Variants in NAV1 observed in about 807,000 individuals in gnomAD.
NAV1 encodes neuron navigator 1, also known as pore membrane and/or filament interacting like protein 3.
A neutral mutation model predicts 175.2 loss-of-function variants in NAV1; 18 were observed. The ratio of observed to expected loss-of-function variants is 0.10; its 90% confidence interval spans 0.07 to 0.15. The LOEUF is 0.15. Among genes scored for constraint, NAV1 ranks in the 10% least tolerant of loss-of-function variants. NAV1 has a pLI of 1.00. For synonymous variants in NAV1, 897 were observed against 978.7 expected (o/e 0.92, Z 1.56); for missense variants, 1,731 against 2,436.6 (o/e 0.71, Z 6.10).
At chr1:201,806,034 G>C (rs1678256429) in intron 17 of NAV1, among the ~76,000 whole-genome samples, 1 of 151,016 alleles carries the variant, frequency 6.6e-6, no homozygotes, top group Admixed American at 6.6e-5. Flanking sequence ...ACCCAGGCTG[G>C]AATGCAGTGA....
rs1381180760 is a variant in NAV1 at position 201,810,436 on chromosome 1, CTAGA to C, written c.4562-84_4562-81del. On this transcript the variant is annotated intron_variant, in intron 23 of 29. Transcript: ENST00000367296. This position sits in a 1 kb window ranked among gnomAD's most constrained non-coding sequence, Gnocchi z 6.0. ...GGCTCTGAGTTTCTTCAGGGGGCTC[CTAGA>C]TAAAGAAAGAAAAGCCCTTTAGGAT... The C allele has an allele frequency of 7.8e-6, 10 of 1,289,176 alleles. No individual in the cohort carries two copies. The highest frequency in any genetic ancestry group is 9.6e-6 in the Non-Finnish European group (9 of 933,074). 79.9% of individuals were successfully genotyped at this position (1,289,176 alleles called of 1,614,324 possible).
At chr1:201,673,000 C>T (rs1449253935) in intron 1 of NAV1, 2 of 152,048 alleles carry the variant, frequency 1.3e-5, no homozygotes, top group African/African-American at 2.4e-5. Flanking sequence ...CAAGCAGTAC[C>T]GAAGAAAAGC....
intron 1 of NAV1, among the ~76,000 whole-genome samples, chr1:201,661,948 A>G (rs1310647515): frequency 6.6e-6 from 1 of 152,250 alleles, no homozygotes; most frequent in Non-Finnish European, 1.5e-5. Context: ...AATCGTCACA[A>G]CAACCTAGTG....
In NAV1 at chr1:201,539,915, G is replaced by T. The variant is rs372141801; in HGVS notation, c.-144+573G>T. 6.6e-6 allele frequency among the ~76,000 whole-genome samples: 1 copy of T among 152,170 alleles called. No individual in the cohort carries two copies. The highest frequency in any genetic ancestry group is 2.1e-4 in the South Asian group (1 of 4,824). On this transcript the variant is annotated intron_variant, in intron 1 of 33. Transcript: ENST00000685211. This position sits in a 1 kb window ranked among gnomAD's most constrained non-coding sequence, Gnocchi z 5.6. ...CCCTCCCGCCAATCTCCCGGAGGCC[G>T]TCCTCTCTGGCGCCCGCCCAGTGCG...
chr1:201,598,924 C>T lies in NAV1; in HGVS notation c.-33+10275C>T, dbSNP rs1000555604. On this transcript the variant is annotated intron_variant, in intron 2 of 33. Transcript: ENST00000685211. The stretch of plus-strand genomic sequence containing the variant: ...CTATACAGAGGCCATGACATCCCTC[C>T]CCCTGCCTCTGGACAGATGATCATT... Among the ~76,000 whole-genome samples the T allele has an allele frequency of 2.6e-5, 4 of 152,188 alleles. No individual in the cohort carries two copies. The East Asian group carries it at 5.8e-4, about 22-fold the overall frequency.
At chr1:201,549,680 A>AT (rs1557992584) in intron 1 of NAV1, among the ~76,000 whole-genome samples, 1 of 149,300 alleles carries the variant, frequency 6.7e-6, no homozygotes, top group Admixed American at 6.7e-5. Flanking sequence ...TGGGCAGGTT[A>AT]CAGCCTGCCC....
chr1:201,804,172 A>C, intron 16 of NAV1: 1 of 493,252 alleles, frequency 2.0e-6, no homozygotes, highest in South Asian at 2.1e-5. Context: ...AGGACTCTTT[A>C]TTATTACCTT....
intron 1 of NAV1, among the ~76,000 whole-genome samples, chr1:201,681,722 C>G (rs1349598308): frequency 6.6e-6 from 1 of 152,190 alleles, no homozygotes; most frequent in Non-Finnish European, 1.5e-5. Flanking sequence ...GCCTGTAATC[C>G]TAGCACTTGG....
chr1:201,668,099 T>TC (rs1669898653), intron 1 of NAV1, among the ~76,000 whole-genome samples: 1 of 152,162 alleles, frequency 6.6e-6, no homozygotes, highest in African/African-American at 2.4e-5. Context: ...GCCTCAGGTT[T>TC]CCCCTTGAGA....
intron 3 of NAV1, among the ~76,000 whole-genome samples, chr1:201,762,046 C>T (rs1674893858): frequency 6.6e-6 from 1 of 152,126 alleles, no homozygotes; most frequent in Admixed American, 6.5e-5. Flanking sequence ...TGTAGTCCCA[C>T]CTACTCAGGA....
intron 3 of NAV1, among the ~76,000 whole-genome samples, chr1:201,745,776 A>G (rs1008246834): frequency 9.2e-5 from 14 of 152,196 alleles, no homozygotes; most frequent in African/African-American, 3.1e-4. Context: ...GTCATTTCCT[A>G]TAAAGAAGAG....
Position 201,808,430 on chromosome 1 carries a change from C to T in NAV1, c.3858C>T (p.His1286=). 1 of 1,612,260 alleles carries T rather than the reference C, an allele frequency of 6.2e-7. No individual in the cohort carries two copies. The highest frequency in any genetic ancestry group is 8.5e-7 in the Non-Finnish European group (1 of 1,178,842). Residue 1286 remains histidine, a synonymous_variant, in exon 19 of 30, where the codon CAC becomes CAT. Coordinates refer to ENST00000367296, the Ensembl canonical transcript of NAV1. This position sits in a 1 kb window ranked among gnomAD's most constrained non-coding sequence, Gnocchi z 5.5. ...TGCTATCTTACAGGGGCCCTGCTCA[C>T]CCAGCCCCCCACACTAGGCTGTTCC...
At chr1:201,744,072 TG>T (rs2102567979) in intron 3 of NAV1, among the ~76,000 whole-genome samples, 1 of 152,238 alleles carries the variant, frequency 6.6e-6, no homozygotes, top group East Asian at 1.9e-4. Context: ...TTAGTAGAGA[TG>T]GGGTATCTCT....
At chr1:201,768,710 T>C (rs957877837) in intron 3 of NAV1, among the ~76,000 whole-genome samples, 1 of 151,516 alleles carries the variant, frequency 6.6e-6, no homozygotes, top group African/African-American at 2.4e-5. Context: ...TGCTAAAGTG[T>C]AGACCAAACA....
chr1:201,742,328 T>C (rs1311583442), intron 3 of NAV1, among the ~76,000 whole-genome samples: 1 of 152,164 alleles, frequency 6.6e-6, no homozygotes, highest in Non-Finnish European at 1.5e-5. Flanking sequence ...GGTATTTGGG[T>C]GAATGACTTA....
At position 201,539,605 on chromosome 1, in the gene NAV1, C is replaced by T. The variant is rs1665442675; in HGVS notation, c.-144+263C>T. 6.6e-6 allele frequency among the ~76,000 whole-genome samples: 1 copy of T among 152,198 alleles called. No homozygotes were observed. Among genetic ancestry groups the T allele is most frequent in the African/African-American group, 2.4e-5 (1 of 41,440 alleles). On this transcript the variant is annotated intron_variant, in intron 1 of 33. Coordinates refer to the NAV1 transcript ENST00000685211. The surrounding 1 kb of genome is among the most constrained non-coding windows in gnomAD (Gnocchi z 5.6). ...TGCGCGTTTGATTCTAGAGTTGACT[C>T]TCCGGGGGGGCTGCCTAACTTCAGT... is the stretch of plus-strand genomic sequence containing the variant.
At chr1:201,791,010 T>A (rs1677084332) in intron 13 of NAV1, 1 of 481,190 alleles carries the variant, frequency 2.1e-6, no homozygotes, top group Admixed American at 3.4e-5. Flanking sequence ...AGTTCATGTC[T>A]GATGGGCTGA....
intron 2 of NAV1, among the ~76,000 whole-genome samples, chr1:201,611,019 G>A (rs1214530512): frequency 6.6e-6 from 1 of 152,118 alleles, no homozygotes; most frequent in Non-Finnish European, 1.5e-5. Flanking sequence ...CCCATTCAGA[G>A]CCAGGAGCCA....
intron 3 of NAV1, among the ~76,000 whole-genome samples, chr1:201,743,112 A>C (rs942456415): frequency 6.6e-6 from 1 of 152,216 alleles, no homozygotes; most frequent in Non-Finnish European, 1.5e-5. Flanking sequence ...CTGAGGCACA[A>C]GGAGGTTAAG....
Sources: allele counts gnomAD v4.1 joint callset (sites outside exome capture counted in the v4.1 genomes callset), GRCh38; gene constraint gnomAD v4.1.1; non-coding constraint Gnocchi (gnomAD v3.1); transcripts MANE v1.5; gene names NCBI Gene and HGNC (gene_info 2026-07-23, HGNC 2026-07-21).